Variants in FER observed in about 807,000 individuals in gnomAD.
FER encodes FER tyrosine kinase, also known as tyrosine-protein kinase Fer.
Under a neutral mutation model 111.0 loss-of-function variants are expected in FER, and 63 were observed. The observed-to-expected ratio is 0.57, with a 90% CI of 0.46 to 0.70. The LOEUF is 0.70. FER is among the 30% of genes least tolerant of loss of function. The pLI, the probability that FER is intolerant of heterozygous loss-of-function variation, is 0.00. For synonymous variants in FER, 327 were observed against 313.9 expected (o/e 1.04, Z -0.44); for missense variants, 914 against 954.0 (o/e 0.96, Z 0.55).
chr5:108,868,096 T>G, intron 6 of FER, 146 bp downstream of exon 6: 1 of 721,554 alleles, frequency 1.4e-6, no homozygotes, highest in South Asian at 2.3e-5. Flanking sequence ...TGATTTTCAC[T>G]TTTCATGTCC....
At chr5:109,142,104 A>C (rs1242722693) in intron 17 of FER, among the ~76,000 whole-genome samples, 1 of 152,152 alleles carries the variant, frequency 6.6e-6, no homozygotes, top group Non-Finnish European at 1.5e-5. Flanking sequence ...CTCAGGAAGA[A>C]AAGGCATTCA....
intron 10 of FER, among the ~76,000 whole-genome samples, chr5:108,923,358 G>C (rs72793905): frequency 0.12 from 18,747 of 151,692 alleles, 1,198 homozygotes; most frequent in Middle Eastern, 0.17. Flanking sequence ...ATTTTTTTTT[G>C]ATTGCATCTA....
At chr5:108,813,430 A>C (rs916309206) in intron 3 of FER, among the ~76,000 whole-genome samples, 2 of 152,134 alleles carry the variant, frequency 1.3e-5, no homozygotes, top group African/African-American at 2.4e-5. Flanking sequence ...AGTTTTCATC[A>C]ACTTTGGAAA....
At chr5:108,993,658 C>T (rs144046385) in intron 13 of FER, among the ~76,000 whole-genome samples, 6,131 of 117,178 alleles carry the variant, frequency 0.052, 211 homozygotes, top group South Asian at 0.12. Context: ...AGGGCGAGGG[C>T]GAGGGTGAGG....
rs1759644152 is a variant in FER, at chr5:109,195,071, G to A, written c.*7496G>A. On this transcript the variant is annotated 3_prime_UTR_variant, in exon 20 of 20. Coordinates refer to ENST00000281092, the MANE Select transcript of FER (RefSeq NM_005246.4). ...TATTTTTAAACCCAAAAGAAAGAAAGAAACACACCCTCTTATGTAGGAATT... is the reference window on the plus strand; with the variant it reads ...TATTTTTAAACCCAAAAGAAAGAAAAAAACACACCCTCTTATGTAGGAATT... The A allele has an allele frequency of 6.6e-6, 1 of 152,054 alleles. No individual in the cohort carries two copies. Among genetic ancestry groups the A allele is most frequent in the South Asian group, 2.1e-4 (1 of 4,820 alleles). 9.4% of individuals were successfully genotyped at this position (152,054 alleles called of 1,614,324 possible).
At chr5:109,119,089 A>C (rs899648385) in intron 17 of FER, among the ~76,000 whole-genome samples, 9 of 151,722 alleles carry the variant, frequency 5.9e-5, no homozygotes, top group African/African-American at 1.2e-4. Context: ...TAGTTCTTTT[A>C]ATTGTGATGT....
intron 10 of FER, among the ~76,000 whole-genome samples, chr5:108,945,880 T>C (rs1756918736): frequency 6.6e-6 from 1 of 152,080 alleles, no homozygotes. Context: ...CTATATGAAT[T>C]GCTATATGAA....
At chr5:109,073,302 C>CA (rs1775971716) in intron 16 of FER, among the ~76,000 whole-genome samples, 1 of 152,128 alleles carries the variant, frequency 6.6e-6, no homozygotes, top group African/African-American at 2.4e-5. Flanking sequence ...TGAGGAGCTA[C>CA]ACTGTCCAAT....
chr5:109,153,383 A>G (rs2126700688), intron 17 of FER, among the ~76,000 whole-genome samples: 1 of 152,008 alleles, frequency 6.6e-6, no homozygotes, highest in East Asian at 1.9e-4. Flanking sequence ...GTGCTTTTCT[A>G]TGATTGCTTG....
At chr5:108,967,778 A>AAAAAAC (rs1760079623) in intron 13 of FER, among the ~76,000 whole-genome samples, 1 of 151,568 alleles carries the variant, frequency 6.6e-6, no homozygotes, top group African/African-American at 2.4e-5. Flanking sequence ...AAAAAAAAAA[A>AAAAAAC]AAAAACAATT....
chr5:109,019,900 C>T (rs189342622), intron 13 of FER, among the ~76,000 whole-genome samples: 331 of 151,960 alleles, frequency 2.2e-3, no homozygotes, highest in African/African-American at 7.5e-3. Context: ...TAAACATTAT[C>T]ACCAAAATCA....
At chr5:109,118,194 C>G (rs1039922580) in intron 17 of FER, among the ~76,000 whole-genome samples, 7 of 152,084 alleles carry the variant, frequency 4.6e-5, no homozygotes, top group Admixed American at 6.6e-5. Context: ...ATACCTAATT[C>G]ATTGAGAGTT....
chr5:109,150,741 T>C (rs1440805026), intron 17 of FER, among the ~76,000 whole-genome samples: 1 of 152,196 alleles, frequency 6.6e-6, no homozygotes, highest in East Asian at 1.9e-4. Flanking sequence ...TGCATAGAAA[T>C]TTACTGAGCC....
chr5:109,009,422 A>T (rs1765948295), intron 13 of FER, among the ~76,000 whole-genome samples: 1 of 152,140 alleles, frequency 6.6e-6, no homozygotes, highest in Non-Finnish European at 1.5e-5. Flanking sequence ...GTTTCTCATC[A>T]GCGACCTATT....
chr5:108,788,686 T>C (rs1435395074), intron 2 of FER, among the ~76,000 whole-genome samples: 1 of 151,296 alleles, frequency 6.6e-6, no homozygotes, highest in Admixed American at 6.6e-5. Flanking sequence ...TCTGCTTTTC[T>C]GTCAACATTC....
intron 9 of FER, among the ~76,000 whole-genome samples, chr5:108,889,324 G>A (rs1747665180): frequency 6.6e-6 from 1 of 151,626 alleles, no homozygotes; most frequent in Admixed American, 6.6e-5. Context: ...TCCATCAACA[G>A]ACAAAGGAAA....
At chr5:109,072,635 G>A (rs1561859339) in intron 16 of FER, among the ~76,000 whole-genome samples, 2 of 151,888 alleles carry the variant, frequency 1.3e-5, no homozygotes, top group Admixed American at 6.6e-5. Context: ...TCCACATCCA[G>A]CTATCGGACT....
At chr5:108,847,703 C>T (rs1762156004) in intron 5 of FER, among the ~76,000 whole-genome samples, 1 of 152,030 alleles carries the variant, frequency 6.6e-6, no homozygotes, top group Non-Finnish European at 1.5e-5. Context: ...GGTATGTAAG[C>T]ATTTATGAGT....
At chr5:109,090,772 A>C (rs2150042652) in intron 16 of FER, among the ~76,000 whole-genome samples, 1 of 152,350 alleles carries the variant, frequency 6.6e-6, no homozygotes, top group South Asian at 2.1e-4. Context: ...AAGATATGTC[A>C]TTTGAAATTA....
Sources: allele counts gnomAD v4.1 joint callset (sites outside exome capture counted in the v4.1 genomes callset), GRCh38; gene constraint gnomAD v4.1.1; transcripts MANE v1.5; gene names NCBI Gene and HGNC (gene_info 2026-07-23, HGNC 2026-07-21).